RALYL: variants seen among roughly 807,000 people sequenced by gnomAD.
RALYL encodes RALY RNA binding protein like.
A neutral mutation model predicts 35.1 loss-of-function variants in RALYL; 29 were observed. The ratio of observed to expected loss-of-function variants is 0.83; its 90% CI spans 0.61 to 1.13. The LOEUF (loss-of-function observed/expected upper bound fraction) is 1.13, where lower values mean the gene tolerates loss of function less well. Among genes scored for constraint, RALYL ranks in the 50% most tolerant of loss-of-function variants. The pLI is 0.00. For synonymous variants in RALYL, 120 were observed against 127.6 expected, an observed-to-expected ratio of 0.94 and a Z score of 0.40; for missense variants, 359 against 360.4, an observed-to-expected ratio of 1.00 and a Z score of 0.03.
chr8:84,326,825 T>G (rs1480958053), intron 1 of RALYL, among the ~76,000 whole-genome samples: 12 of 152,202 alleles, frequency 7.9e-5, no homozygotes, highest in African/African-American at 2.7e-4. Context: ...AATTTTCATG[T>G]AGTATTTGTG....
intron 2 of RALYL, among the ~76,000 whole-genome samples, chr8:84,562,056 A>T (rs891785621): frequency 2.6e-5 from 4 of 151,890 alleles, no homozygotes; most frequent in African/African-American, 9.7e-5. Flanking sequence ...AGCCATGTGA[A>T]CCTTTGAAAG....
intron 1 of RALYL, among the ~76,000 whole-genome samples, chr8:84,395,176 T>C (rs1861525331): frequency 6.6e-6 from 1 of 151,862 alleles, no homozygotes; most frequent in Admixed American, 6.6e-5. Flanking sequence ...TATTAAATGA[T>C]TTTTTAAAAG....
chr8:84,729,081 A>C (rs916601437), intron 2 of RALYL, among the ~76,000 whole-genome samples: 1 of 152,166 alleles, frequency 6.6e-6, no homozygotes, highest in African/African-American at 2.4e-5. Context: ...GGCCATTTTC[A>C]TGATATTGAT....
At chr8:84,897,427 T>C (rs774554189) in intron 8 of RALYL, among the ~76,000 whole-genome samples, 1 of 152,228 alleles carries the variant, frequency 6.6e-6, no homozygotes, top group Non-Finnish European at 1.5e-5. Flanking sequence ...AGAAGAATTA[T>C]GATTTGATTT....
At chr8:84,863,368 A>C (rs1378356299) in intron 6 of RALYL, among the ~76,000 whole-genome samples, 1 of 152,196 alleles carries the variant, frequency 6.6e-6, no homozygotes, top group Non-Finnish European at 1.5e-5. Flanking sequence ...ACAATAAGGA[A>C]GCCAGTGTGG....
intron 2 of RALYL, among the ~76,000 whole-genome samples, chr8:84,680,008 C>A (rs558833049): frequency 1.2e-4 from 18 of 152,162 alleles, no homozygotes; most frequent in East Asian, 9.7e-4. Flanking sequence ...CCACTCCCCC[C>A]ACCCCACGAC....
intron 2 of RALYL, among the ~76,000 whole-genome samples, chr8:84,550,847 A>G (rs2060670104): frequency 1.3e-5 from 2 of 151,992 alleles, no homozygotes; most frequent in Non-Finnish European, 2.9e-5. Flanking sequence ...TATCTATAAA[A>G]TAATCATAAA....
chr8:84,237,213 G>A (rs1174386597), intron 1 of RALYL, among the ~76,000 whole-genome samples: 1 of 152,152 alleles, frequency 6.6e-6, no homozygotes, highest in Non-Finnish European at 1.5e-5. Context: ...AGAGAGAAGT[G>A]AACCAGGGAG....
intron 1 of RALYL, among the ~76,000 whole-genome samples, chr8:84,208,613 C>T (rs532357761): frequency 1.3e-5 from 2 of 152,240 alleles, no homozygotes; most frequent in South Asian, 4.1e-4. Flanking sequence ...AATTCCTGCC[C>T]TGCCTTTTGA....
At chr8:84,369,347 G>C (rs16912715) in intron 1 of RALYL, among the ~76,000 whole-genome samples, 2,570 of 151,220 alleles carry the variant, frequency 0.017, 73 homozygotes, top group African/African-American at 0.059. Flanking sequence ...ACTTGATAAA[G>C]GTCAAAAGAA....
At chr8:84,365,395 C>A (rs1214640140) in intron 1 of RALYL, among the ~76,000 whole-genome samples, 1 of 152,134 alleles carries the variant, frequency 6.6e-6, no homozygotes, top group South Asian at 2.1e-4. Flanking sequence ...TAGGATGAAC[C>A]AAATTTACAG....
intron 2 of RALYL, among the ~76,000 whole-genome samples, chr8:84,745,191 C>G (rs548311869): frequency 2.6e-5 from 4 of 151,806 alleles, no homozygotes; most frequent in Non-Finnish European, 4.4e-5. Flanking sequence ...CCTCCCTCTA[C>G]TCCTTCACAT....
In RALYL at chr8:84,261,761, C is replaced by A. The variant is rs529189889; in HGVS notation, c.-24+77337C>A. Among the ~76,000 whole-genome samples the A allele has an allele frequency of 3.3e-5, 5 of 152,128 alleles. No individual in the cohort carries two copies. The East Asian group carries it at 9.7e-4, about 29-fold the overall frequency. On this transcript the variant is annotated intron_variant, in intron 1 of 8. Transcript: ENST00000521268. ...TTATTCATTTTCTAGACAATCAATG[C>A]ATGCAAATTTTATTTTTAATATGTT...
chr8:84,631,863 A>G (rs1010008943), intron 2 of RALYL, among the ~76,000 whole-genome samples: 1 of 152,018 alleles, frequency 6.6e-6, no homozygotes, highest in African/African-American at 2.4e-5. Context: ...AACAACTGTT[A>G]CTTAAAGGTG....
chr8:84,864,199 G>T (rs1008004832), intron 6 of RALYL, among the ~76,000 whole-genome samples: 1 of 119,902 alleles, frequency 8.3e-6, no homozygotes, highest in Non-Finnish European at 1.8e-5. Flanking sequence ...TTGTGTGTGT[G>T]TTTGTGTGTG....
At chr8:84,470,107 G>C (rs572657935) in intron 1 of RALYL, among the ~76,000 whole-genome samples, 8 of 152,136 alleles carry the variant, frequency 5.3e-5, no homozygotes, top group African/African-American at 1.9e-4. Flanking sequence ...CTTCTGCGTC[G>C]CTCACGCTGG....
chr8:84,389,448 C>A (rs1860085020), intron 1 of RALYL, among the ~76,000 whole-genome samples: 1 of 151,984 alleles, frequency 6.6e-6, no homozygotes, highest in African/African-American at 2.4e-5. Flanking sequence ...TGGCCACTTT[C>A]ATGATATTGA....
At chr8:84,440,424 C>A (rs867585350) in intron 1 of RALYL, among the ~76,000 whole-genome samples, 1 of 151,942 alleles carries the variant, frequency 6.6e-6, no homozygotes, top group African/African-American at 2.4e-5. Context: ...AGAAAAAAAT[C>A]GTTTGTACTT....
At chr8:84,233,158 G>T (rs6987548) in intron 1 of RALYL, among the ~76,000 whole-genome samples, 27,139 of 151,618 alleles carry the variant, frequency 0.18, 2,667 homozygotes, top group African/African-American at 0.26. Context: ...AATTTTTATT[G>T]TTTTTTTGTA....
Sources: allele counts gnomAD v4.1 joint callset (sites outside exome capture counted in the v4.1 genomes callset), GRCh38; gene constraint gnomAD v4.1.1; transcripts MANE v1.5; gene names NCBI Gene and HGNC (gene_info 2026-07-23, HGNC 2026-07-21).